IRAG2: variants seen among roughly 807,000 people sequenced by gnomAD.
The protein encoded by IRAG2 is lymphoid restricted membrane protein.
Under a neutral mutation model 69.9 loss-of-function variants are expected in IRAG2, and 45 were observed. The observed-to-expected ratio is 0.64, with a 90% CI of 0.51 to 0.83. IRAG2 has a LOEUF of 0.83. Among genes scored for constraint, IRAG2 ranks in the 40% least tolerant of loss-of-function variants. The probability of loss-of-function intolerance (pLI) is 0.00; values close to 1 mark genes in which losing one functional copy is unlikely to be tolerated. For synonymous variants in IRAG2, 193 were observed against 202.4 expected, an observed-to-expected ratio of 0.95 and a Z score of 0.40; for missense variants, 520 against 587.0, an observed-to-expected ratio of 0.89 and a Z score of 1.18.
chr12:25,032,571 A>G (rs1299966758), intron 12 of IRAG2, among the ~76,000 whole-genome samples: 1 of 152,212 alleles, frequency 6.6e-6, no homozygotes, highest in African/African-American at 2.4e-5. Flanking sequence ...CTATGACAAA[A>G]TACCATAGAC....
At chr12:25,033,990 C>T in intron 13 of IRAG2, 1 of 398,738 alleles carries the variant, frequency 2.5e-6, no homozygotes, top group South Asian at 1.3e-4. Flanking sequence ...AAGATAACTA[C>T]CCCATGTGAT....
intron 15 of IRAG2, chr12:25,037,833 A>G (rs2139856085): frequency 2.5e-6 from 1 of 395,378 alleles, no homozygotes; most frequent in Non-Finnish European, 4.5e-6. Flanking sequence ...CATACAATTG[A>G]GAATTGGTAC....
chr12:25,024,934 C>G, intron 8 of IRAG2, among the ~76,000 whole-genome samples: 1 of 152,136 alleles, frequency 6.6e-6, no homozygotes, highest in East Asian at 1.9e-4. Context: ...AATAGCATTG[C>G]AATTATTGAC....
At chr12:25,054,563 G>A (rs982798941) in intron 1 of IRAG2, among the ~76,000 whole-genome samples, 11 of 152,110 alleles carry the variant, frequency 7.2e-5, no homozygotes, top group Admixed American at 3.9e-4. Context: ...TTATCTTCAC[G>A]GCCCAATAGA....
At chr12:25,008,594 C>G (rs1944450507) in intron 2 of IRAG2, among the ~76,000 whole-genome samples, 2 of 152,042 alleles carry the variant, frequency 1.3e-5, no homozygotes, top group Admixed American at 1.3e-4. Flanking sequence ...TAAAAATTAC[C>G]CAGGCGTGGT....
exon 3 of IRAG2, chr12:25,011,477 G>A: frequency 8.1e-7 from 1 of 1,231,674 alleles, no homozygotes. Context: ...ATCCTGAGAA[G>A]AGAGACCCAC....
chr12:25,068,843 G>T (rs558159239), intron 5 of IRAG2, among the ~76,000 whole-genome samples: 2 of 152,264 alleles, frequency 1.3e-5, no homozygotes, highest in Admixed American at 6.5e-5. Flanking sequence ...GGAACTGGGG[G>T]CATTGATCAC....
chr12:25,028,363 TG>T (rs1944641317), intron 9 of IRAG2, among the ~76,000 whole-genome samples: 1 of 152,218 alleles, frequency 6.6e-6, no homozygotes, highest in African/African-American at 2.4e-5. Flanking sequence ...TTATATTATA[TG>T]GCAATTTTTA....
intron 9 of IRAG2, among the ~76,000 whole-genome samples, chr12:25,082,449 A>C (rs558223455): frequency 3.9e-5 from 6 of 151,918 alleles, no homozygotes; most frequent in African/African-American, 1.2e-4. Context: ...AAAATACAAA[A>C]ATTAGCTGGG....
chr12:25,017,319 G>C (rs563253387), intron 6 of IRAG2: 2 of 1,231,582 alleles, frequency 1.6e-6, no homozygotes, highest in South Asian at 8.2e-5. Context: ...TCCAGTGTGC[G>C]GGGAACTTTC....
chr12:25,081,396 G>A (rs12314451), intron 9 of IRAG2, among the ~76,000 whole-genome samples: 6,353 of 152,208 alleles, frequency 0.042, 403 homozygotes, highest in African/African-American at 0.14. Context: ...CCCGGGAGGC[G>A]GAGCTTGCAG....
intron 16 of IRAG2, among the ~76,000 whole-genome samples, chr12:25,041,977 G>GTGTGTGTGTGTA (rs1944754435): frequency 8.4e-6 from 1 of 119,596 alleles, no homozygotes; most frequent in African/African-American, 2.8e-5. Context: ...GTGTGTGTGT[G>GTGTGTGTGTGTA]TGTGTGTGTG....
At chr12:25,104,721 AT>A (rs1344620497) in intron 20 of IRAG2, among the ~76,000 whole-genome samples, 1 of 152,154 alleles carries the variant, frequency 6.6e-6, no homozygotes, top group Non-Finnish European at 1.5e-5. Context: ...TGTGAAGATA[AT>A]TTTTTTCCTG....
At chr12:24,998,078 G>C in the IRAG2 span, among the ~76,000 whole-genome samples, 4 of 152,216 alleles carry the variant, frequency 2.6e-5, no homozygotes, top group Non-Finnish European at 5.9e-5. Flanking sequence ...CTTGAAGCTA[G>C]AGATTTATTG....
At chr12:25,011,272 G>T (rs1944472679) in intron 2 of IRAG2, 8 of 1,071,512 alleles carry the variant, frequency 7.5e-6, no homozygotes. Context: ...TATATATCAT[G>T]TTTCTAGGAT....
At position 25,017,717 on chromosome 12, in the gene IRAG2, CA is replaced by C. The variant is rs144005949; in HGVS notation, c.1214+435del. On this transcript the variant is annotated intron_variant, in intron 6 of 38. Transcript: ENST00000636465. ...TAGGTGATAGAGCAAGACTCTGTCT[CA>C]AAAAAAAAACCAACAAAAAAAAAAC... is the stretch of plus-strand genomic sequence containing the variant. 7.0e-5 allele frequency among the ~76,000 whole-genome samples: 10 copies of C among 142,456 alleles called. No individual in the cohort carries two copies. The South Asian group carries it at 1.1e-3, about 16-fold the overall frequency. The allele number at this position is 142,456 out of a possible 152,430, so 93.5% of individuals were successfully genotyped here. A position where few individuals can be genotyped will look rare whatever the true frequency, so the allele number is the denominator to read the frequency against.
intron 8 of IRAG2, among the ~76,000 whole-genome samples, chr12:25,025,400 G>A (rs962165568): frequency 2.0e-5 from 3 of 152,236 alleles, no homozygotes; most frequent in Non-Finnish European, 4.4e-5. Flanking sequence ...CAAGGCCAGA[G>A]TGTCTGGAGC....
At chr12:25,011,424 A>C (rs1944474068) in exon 3 of IRAG2, 2 of 1,231,716 alleles carry the variant, frequency 1.6e-6, no homozygotes, top group African/African-American at 3.1e-5. Flanking sequence ...AACTAGCCAA[A>C]ATTCTGAAGA....
chr12:25,090,226 C>A, intron 14 of IRAG2, 29 bp downstream of exon 14: 1 of 1,606,244 alleles, frequency 6.2e-7, no homozygotes, highest in Non-Finnish European at 8.5e-7. Context: ...GGGATATAAA[C>A]ATTTGGTCTA....
Sources: gnomAD v4.1 joint callset for allele counts (sites outside exome capture counted in the v4.1 genomes callset) on GRCh38, gnomAD v4.1.1 for gene constraint, MANE v1.5 for transcripts, NCBI Gene and HGNC (gene_info 2026-07-23, HGNC 2026-07-21) for gene names.